Variants in SLC6A17 observed in about 807,000 individuals in gnomAD.
The protein encoded by SLC6A17 is sodium-dependent neutral amino acid transporter SLC6A17.
SLC6A17 carries 21 observed loss-of-function variants against 64.5 expected under a neutral mutation model. The observed-to-expected ratio is 0.33, with a 90% CI of 0.23 to 0.47. The LOEUF (loss-of-function observed/expected upper bound fraction) is 0.47. SLC6A17 is among the 20% of genes least tolerant of loss of function. SLC6A17 has a pLI of 1.00. For synonymous variants in SLC6A17, 372 were observed against 399.5 expected, an observed-to-expected ratio of 0.93 and a Z score of 0.82; for missense variants, 682 against 963.2, an observed-to-expected ratio of 0.71 and a Z score of 3.86.
chr1:110,178,583 C>T (rs1656433138), intron 6 of SLC6A17: 1 of 152,828 alleles, frequency 6.5e-6, no homozygotes, highest in Admixed American at 6.5e-5. Context: ...AACAAAAATT[C>T]CTTAGACTGG....
chr1:110,196,370 C>T (rs1483260590), intron 10 of SLC6A17, among the ~76,000 whole-genome samples: 1 of 152,158 alleles, frequency 6.6e-6, no homozygotes, highest in Non-Finnish European at 1.5e-5. Flanking sequence ...CAAGACCCAC[C>T]TCCACTAACC....
intron 6 of SLC6A17, among the ~76,000 whole-genome samples, chr1:110,178,404 TTTAA>T (rs1318556607): frequency 2.6e-5 from 4 of 152,186 alleles, no homozygotes; most frequent in Non-Finnish European, 4.4e-5. Flanking sequence ...ACTTTATCTC[TTTAA>T]TTATGAAATA....
rs1656836647 is a variant in SLC6A17 at position 110,191,958 on chromosome 1, G to A, written c.865-14G>A. Reference sequence around the variant, plus strand: ...TGTCTCTTTTCTTCCTCCTGCCTTGGTCTTCTGCCATAGCTGGACAAGATG... The same window carrying A: ...TGTCTCTTTTCTTCCTCCTGCCTTGATCTTCTGCCATAGCTGGACAAGATG... On this transcript the variant is annotated splice_polypyrimidine_tract_variant and intron_variant, in intron 6 of 11. Coordinates refer to ENST00000331565, the MANE Select transcript of SLC6A17 (RefSeq NM_001010898.4). 1 of 1,610,456 alleles carries A rather than the reference G, an allele frequency of 6.2e-7. No individual in the cohort carries two copies. Among genetic ancestry groups the A allele is most frequent in the Admixed American group, 1.7e-5 (1 of 59,904 alleles).
intron 6 of SLC6A17, chr1:110,178,762 T>C (rs527609884): frequency 6.6e-6 from 1 of 152,322 alleles, no homozygotes; most frequent in South Asian, 2.1e-4. Flanking sequence ...TGAGCCTCTT[T>C]TTATAGGGGC....
In SLC6A17 at chr1:110,158,877, A is replaced by G. The variant is rs148306176; in HGVS notation, c.-87-7966A>G. Among the ~76,000 whole-genome samples, 120 of 152,342 alleles carry G rather than the reference A, an allele frequency of 7.9e-4. 1 individual carries two copies. Among genetic ancestry groups the G allele is most frequent in the Admixed American group, 2.2e-3 (33 of 15,310 alleles). ...AAAATCAGGACATGACATGCAATCA[A>G]TAGCTGTTTCAAAATGGCTGTGGGT... On this transcript the variant is annotated intron_variant, in intron 1 of 11. Coordinates refer to ENST00000331565, the MANE Select transcript of SLC6A17 (RefSeq NM_001010898.4).
At chr1:110,158,253 G>C (rs1476042558) in intron 1 of SLC6A17, among the ~76,000 whole-genome samples, 1 of 151,964 alleles carries the variant, frequency 6.6e-6, no homozygotes. Flanking sequence ...TATTTTAAAT[G>C]CCATATTTTA....
chr1:110,166,722 A>C, intron 1 of SLC6A17, 121 bp from the exon 2 acceptor site: 1 of 541,994 alleles, frequency 1.8e-6, no homozygotes, highest in Non-Finnish European at 3.1e-6. Context: ...CAAGCTGCAT[A>C]TATGAGGCCC....
intron 1 of SLC6A17, among the ~76,000 whole-genome samples, chr1:110,151,703 A>C (rs1219454159): frequency 6.6e-6 from 1 of 152,180 alleles, no homozygotes; most frequent in Non-Finnish European, 1.5e-5. Context: ...GTCAGAAATC[A>C]AATTCAGAAA....
At chr1:110,161,081 G>A (rs1244964623) in intron 1 of SLC6A17, among the ~76,000 whole-genome samples, 2 of 152,182 alleles carry the variant, frequency 1.3e-5, no homozygotes, top group African/African-American at 2.4e-5. Flanking sequence ...TCCTGGGCCA[G>A]CAGCATCCAG....
Position 110,192,212 on chromosome 1 carries a change from G to A in SLC6A17, c.1105G>A (p.Glu369Lys), listed in dbSNP as rs149884117. 62 of 1,606,674 alleles carry A rather than the reference G, an allele frequency of 3.9e-5. No individual in the cohort carries two copies. The highest frequency in any genetic ancestry group is 8.0e-5 in the African/African-American group (6 of 74,840). Residue 369 changes from glutamate to lysine, a missense_variant and splice_region_variant, in exon 7 of 12, where the codon GAG becomes AAG. By Grantham distance (56) the Glu-to-Lys change is moderately conservative. Around this residue, in one of 3 missense-constraint regions of SLC6A17, gnomAD observed 415 missense variants for 603.8 expected, o/e 0.69. Coordinates refer to ENST00000331565, the MANE Select transcript of SLC6A17 (RefSeq NM_001010898.4). This position sits in a 1 kb window ranked among gnomAD's most constrained non-coding sequence, Gnocchi z 4.3. Reference sequence around the variant, plus strand: ...CATCATGAATGAGAAGTGTGTGGTCGAGTAGGTGGCATCTCTCCTCCTGTC... The same window carrying A: ...CATCATGAATGAGAAGTGTGTGGTCAAGTAGGTGGCATCTCTCCTCCTGTC... ...ANIMNEKCVVENAEKILGYLN... is the reference protein window; with the variant it reads ...ANIMNEKCVVKNAEKILGYLN...
intron 1 of SLC6A17, among the ~76,000 whole-genome samples, chr1:110,151,851 G>C (rs141411785): frequency 6.6e-6 from 1 of 151,952 alleles, no homozygotes; most frequent in African/African-American, 2.4e-5. Context: ...TTTCTAACCA[G>C]AGCTACCTTT....
chr1:110,169,457 G>C (rs998212740), intron 2 of SLC6A17, among the ~76,000 whole-genome samples: 6 of 152,132 alleles, frequency 3.9e-5, no homozygotes, highest in African/African-American at 1.4e-4. Context: ...GAGAAAACCA[G>C]CAGCACAGAG....
intron 2 of SLC6A17, among the ~76,000 whole-genome samples, chr1:110,171,816 A>G (rs1375206163): frequency 3.9e-5 from 6 of 152,064 alleles, no homozygotes; most frequent in Non-Finnish European, 7.4e-5. Flanking sequence ...GAGTTGACAT[A>G]CATACACTTC....
At chr1:110,155,057 G>A (rs1018818326) in intron 1 of SLC6A17, among the ~76,000 whole-genome samples, 2 of 151,950 alleles carry the variant, frequency 1.3e-5, no homozygotes, top group Non-Finnish European at 2.9e-5. Flanking sequence ...CTGAAAAATC[G>A]CCATCCCCAG....
intron 1 of SLC6A17, among the ~76,000 whole-genome samples, 193 bp downstream of exon 1, chr1:110,151,076 C>G (rs576995466): frequency 1.3e-5 from 2 of 152,336 alleles, no homozygotes; most frequent in South Asian, 4.1e-4. Context: ...GACGGAGCCC[C>G]GGGGCCCGCT....
chr1:110,165,903 G>A (rs1656039054), intron 1 of SLC6A17, among the ~76,000 whole-genome samples: 1 of 152,244 alleles, frequency 6.6e-6, no homozygotes, highest in Non-Finnish European at 1.5e-5. Flanking sequence ...CCCTTAATGA[G>A]GGGGTGCCTT....
At position 110,182,051 on chromosome 1, in the gene SLC6A17, T is replaced by G. The variant is rs189226205; in HGVS notation, c.864+5312T>G. On this transcript the variant is annotated intron_variant, in intron 6 of 11. Coordinates refer to ENST00000331565, the MANE Select transcript of SLC6A17 (RefSeq NM_001010898.4). Reference sequence around the variant, plus strand: ...TCTTAAGTGGCTTCTGTAGAAAATCTGAGGGAATGAGGACAGGACAGGGAG... The same window carrying G: ...TCTTAAGTGGCTTCTGTAGAAAATCGGAGGGAATGAGGACAGGACAGGGAG... 3.0e-3 allele frequency among the ~76,000 whole-genome samples: 450 copies of G among 152,226 alleles called. 4 individuals are homozygous for G. Among genetic ancestry groups the G allele is most frequent in the African/African-American group, 0.011 (439 of 41,530 alleles).
rs754047910 is a variant in SLC6A17 at position 110,198,061 on chromosome 1, G to T, written c.1816-15G>T. 3 of 1,600,386 alleles carry T rather than the reference G, an allele frequency of 1.9e-6. No homozygotes were observed. In the African/African-American group the frequency reaches 4.0e-5, roughly 21 times the overall value. On this transcript the variant is annotated splice_polypyrimidine_tract_variant and intron_variant, in intron 11 of 11. Transcript: ENST00000331565. ...CACAGTGCCGGCAGCAGCCCTTAAG[G>T]CAGCCCACCCGCAGGCTGCCGAGCG...
chr1:110,178,428 T>C (rs1171151454), intron 6 of SLC6A17, among the ~76,000 whole-genome samples: 1 of 152,204 alleles, frequency 6.6e-6, no homozygotes, highest in Non-Finnish European at 1.5e-5. Flanking sequence ...ATCTCAGGCA[T>C]GTAAACACAT....
Sources: allele counts gnomAD v4.1 joint callset (sites outside exome capture counted in the v4.1 genomes callset), GRCh38; gene constraint gnomAD v4.1.1; regional missense constraint gnomAD v4.1.1; non-coding constraint Gnocchi (gnomAD v3.1); transcripts MANE v1.5; gene names NCBI Gene and HGNC (gene_info 2026-07-23, HGNC 2026-07-21).